The following CELF4 variants were observed in gnomAD, a reference collection of about 807,000 sequenced individuals.
The protein encoded by CELF4 is CUGBP Elav-like family member 4, also known as CUG-BP- and ETR-3-like factor 4.
A neutral mutation model predicts 59.9 loss-of-function variants in CELF4; 18 were observed. That is an observed-to-expected ratio of 0.30 (90% CI 0.21 to 0.45). The LOEUF is 0.45. CELF4 is among the 20% of genes least tolerant of loss of function. CELF4 has a pLI of 1.00. For synonymous variants in CELF4, 261 were observed against 267.1 expected (o/e 0.98, Z 0.22); for missense variants, 456 against 689.0 (o/e 0.66, Z 3.79).
At chr18:37,408,222 C>G (rs2099403447) in intron 2 of CELF4, among the ~76,000 whole-genome samples, 1 of 152,082 alleles carries the variant, frequency 6.6e-6, no homozygotes, top group Non-Finnish European at 1.5e-5. Context: ...CTCCTTTGTT[C>G]TTATTAGTAA....
rs539984366 is a variant in CELF4, at chr18:37,314,358, G to A, written c.448+7445C>T. Among the ~76,000 whole-genome samples, 6 of 150,740 alleles carry A rather than the reference G, an allele frequency of 4.0e-5. No individual in the cohort carries two copies. The South Asian group carries it at 8.3e-4, about 21-fold the overall frequency. ...TAATCCCAGCTACTCTGGGGGCTGC[G>A]GCAGGAGGATCGCTTAAACCTGGGA... On this transcript the variant is annotated intron_variant, in intron 3 of 12. Coordinates refer to ENST00000420428, the MANE Select transcript of CELF4 (RefSeq NM_020180.4).
At chr18:37,469,611 G>A (rs1335108707) in intron 2 of CELF4, among the ~76,000 whole-genome samples, 3 of 152,144 alleles carry the variant, frequency 2.0e-5, no homozygotes, top group African/African-American at 7.2e-5. Flanking sequence ...CAAGCACATC[G>A]CATTAGCTCA....
intron 1 of CELF4, among the ~76,000 whole-genome samples, chr18:37,550,083 T>TCG (rs757179608): frequency 4.6e-5 from 3 of 64,794 alleles, no homozygotes; most frequent in South Asian, 1.4e-3. Context: ...GTCCAATGGG[T>TCG]GGGGGGGGGG....
chr18:37,414,983 A>T (rs1441051272), intron 2 of CELF4, among the ~76,000 whole-genome samples: 1 of 152,226 alleles, frequency 6.6e-6, no homozygotes, highest in Non-Finnish European at 1.5e-5. Flanking sequence ...AAGATGTAGA[A>T]GACAACTTCC....
At chr18:37,467,851 C>T (rs762058555) in intron 2 of CELF4, among the ~76,000 whole-genome samples, 4 of 152,174 alleles carry the variant, frequency 2.6e-5, no homozygotes, top group Admixed American at 6.5e-5. Flanking sequence ...CCTGTGTGTT[C>T]GTGTGCCCAC....
intron 2 of CELF4, among the ~76,000 whole-genome samples, chr18:37,391,826 A>G (rs1178406926): frequency 6.6e-6 from 1 of 152,212 alleles, no homozygotes; most frequent in African/African-American, 2.4e-5. Flanking sequence ...CAGCTAGGAT[A>G]AGGCTCCGAG....
At chr18:37,530,549 C>G (rs376147624) in intron 1 of CELF4, among the ~76,000 whole-genome samples, 2 of 152,156 alleles carry the variant, frequency 1.3e-5, no homozygotes, top group African/African-American at 2.4e-5. Flanking sequence ...CCCCCTACCC[C>G]CTGCCACCCC....
chr18:37,560,462 C>A (rs2099986215), intron 1 of CELF4, among the ~76,000 whole-genome samples: 1 of 152,234 alleles, frequency 6.6e-6, no homozygotes, highest in East Asian at 1.9e-4. Context: ...CTTTGATATG[C>A]TTTAGGTTTG....
intron 2 of CELF4, among the ~76,000 whole-genome samples, chr18:37,472,363 G>A (rs903500982): frequency 1.3e-5 from 2 of 152,258 alleles, no homozygotes; most frequent in African/African-American, 2.4e-5. Context: ...TTGCTGCTAC[G>A]CATCCTGCGT....
rs141326231 is a variant in CELF4, at chr18:37,440,956, G to A, written c.369+44569C>T. Among the ~76,000 whole-genome samples the A allele has an allele frequency of 1.5e-3, 224 of 152,308 alleles. 1 individual carries two copies. The Middle Eastern group carries it at 0.02, about 14-fold the overall frequency. On this transcript the variant is annotated intron_variant, in intron 2 of 12. Coordinates refer to ENST00000420428, the MANE Select transcript of CELF4 (RefSeq NM_020180.4). ...GATTGGATGGACTTAAAGATGATCC[G>A]TAAAGTGGTGCAAGGAATGTGAATA...
intron 1 of CELF4, among the ~76,000 whole-genome samples, chr18:37,515,546 A>T (rs1302552743): frequency 6.6e-6 from 1 of 152,136 alleles, no homozygotes; most frequent in Non-Finnish European, 1.5e-5. Flanking sequence ...TTTCTTAACT[A>T]GCGGAGGTTG....
chr18:37,273,601 G>A (rs780054951), intron 6 of CELF4: 26 of 991,040 alleles, frequency 2.6e-5, no homozygotes, highest in Non-Finnish European at 2.9e-5. Context: ...GGAGAATTAT[G>A]AATAGAACCC....
intron 3 of CELF4, among the ~76,000 whole-genome samples, chr18:37,312,403 A>T (rs2096708622): frequency 2.6e-5 from 4 of 152,164 alleles, no homozygotes; most frequent in Admixed American, 2.6e-4. Context: ...TCTGAGCACC[A>T]CGGACTGCCC....
At chr18:37,337,529 T>C (rs669284) in intron 2 of CELF4, among the ~76,000 whole-genome samples, 137,526 of 152,176 alleles carry the variant, frequency 0.9, 62,290 homozygotes, top group East Asian at 0.97. Flanking sequence ...CTCCCTCATT[T>C]GTTCACCCAC....
At chr18:37,327,060 G>C (rs2097342614) in intron 2 of CELF4, among the ~76,000 whole-genome samples, 1 of 152,176 alleles carries the variant, frequency 6.6e-6, no homozygotes, top group Non-Finnish European at 1.5e-5. Flanking sequence ...CTGGTCGAAA[G>C]GCTTCACCTG....
intron 2 of CELF4, among the ~76,000 whole-genome samples, chr18:37,323,285 G>A (rs867959449): frequency 6.6e-6 from 1 of 152,128 alleles, no homozygotes; most frequent in African/African-American, 2.4e-5. Context: ...ACCGAGAGGG[G>A]CGAGGGTGTC....
At chr18:37,376,288 C>T (rs929053577) in intron 2 of CELF4, among the ~76,000 whole-genome samples, 24 of 152,128 alleles carry the variant, frequency 1.6e-4, no homozygotes, top group African/African-American at 5.8e-4. Context: ...CCTCTGGCTT[C>T]CTATCCCCCA....
chr18:37,432,788 G>C (rs4799449), intron 2 of CELF4, among the ~76,000 whole-genome samples: 48,683 of 151,972 alleles, frequency 0.32, 8,346 homozygotes, highest in South Asian at 0.44. Context: ...CACATTTACT[G>C]TTTTCTACCC....
intron 2 of CELF4, among the ~76,000 whole-genome samples, chr18:37,394,195 T>G (rs1009764049): frequency 5.9e-5 from 9 of 152,034 alleles, no homozygotes; most frequent in Admixed American, 5.9e-4. Flanking sequence ...GCCAGAGAGA[T>G]GGCTCGGCAG....
Sources: allele counts gnomAD v4.1 joint callset (sites outside exome capture counted in the v4.1 genomes callset), GRCh38; gene constraint gnomAD v4.1.1; transcripts MANE v1.5; gene names NCBI Gene and HGNC (gene_info 2026-07-23, HGNC 2026-07-21).